The following SLC14A2 variants were observed in gnomAD, a reference collection of about 807,000 sequenced individuals.
SLC14A2 encodes the protein solute carrier family 14 member 2, also known as urea transporter 2.
In SLC14A2, 91 loss-of-function variants were observed where a neutral mutation model predicts 104.6. That is an observed-to-expected ratio of 0.87 (90% confidence interval 0.73 to 1.04). The LOEUF (loss-of-function observed/expected upper bound fraction) is 1.04, where lower values mean the gene tolerates loss of function less well. SLC14A2 is among the 50% of genes least tolerant of loss of function. The pLI is 0.00. For synonymous variants in SLC14A2, 476 were observed against 466.4 expected (o/e 1.02, Z -0.27); for missense variants, 1,189 against 1,156.0 (o/e 1.03, Z -0.41).
intron 2 of SLC14A2, chr18:45,528,886 A>G (rs1426001730): frequency 1.3e-5 from 2 of 152,358 alleles, no homozygotes; most frequent in African/African-American, 4.8e-5. Context: ...TAAACTATGT[A>G]TGGTAAACAT....
At chr18:45,277,905 A>T (rs1160427725) in intron 1 of SLC14A2, among the ~76,000 whole-genome samples, 3 of 152,176 alleles carry the variant, frequency 2.0e-5, no homozygotes, top group Admixed American at 6.5e-5. Flanking sequence ...CATTTATATG[A>T]ACAGTCTCAC....
chr18:45,394,360 T>C (rs1190905779), intron 1 of SLC14A2, among the ~76,000 whole-genome samples: 1 of 152,172 alleles, frequency 6.6e-6, no homozygotes, highest in Non-Finnish European at 1.5e-5. Context: ...CTTAAAATCG[T>C]ATGTAAATTG....
intron 1 of SLC14A2, among the ~76,000 whole-genome samples, chr18:45,403,841 T>C (rs1382131459): frequency 6.6e-6 from 1 of 152,136 alleles, no homozygotes. Context: ...CTGCTTAAGA[T>C]GCCTCAGTGA....
intron 2 of SLC14A2, among the ~76,000 whole-genome samples, chr18:45,543,398 G>C (rs886341803): frequency 1.6e-4 from 25 of 152,022 alleles, no homozygotes; most frequent in East Asian, 1.9e-4. Flanking sequence ...ATAGAAGCCA[G>C]CTAACTCAGT....
Position 45,672,973 on chromosome 18 carries a change from T to G in SLC14A2, c.2303T>G (p.Leu768Arg), listed in dbSNP as rs1235935879. The G allele has an allele frequency of 6.2e-7, 1 of 1,614,204 alleles. No homozygotes were observed. Among genetic ancestry groups the G allele is most frequent in the Admixed American group, 1.7e-5 (1 of 60,022 alleles). Residue 768 changes from leucine (L) to arginine (R), a missense_variant, in exon 17 of 20, where the codon CTC (leucine) becomes CGC (arginine). Transcript: ENST00000255226. The part of the protein sequence containing the change: ...CDNPWTGGIF[L>R]IALFISSPLI... Reference sequence around the variant, plus strand: ...AACCCCTGGACTGGAGGCATCTTCCTCATAGCTCTGTTCATATCCTCACCT... The same window carrying G: ...AACCCCTGGACTGGAGGCATCTTCCGCATAGCTCTGTTCATATCCTCACCT...
intron 1 of SLC14A2, among the ~76,000 whole-genome samples, chr18:45,412,312 G>C (rs529266425): frequency 6.6e-6 from 1 of 152,134 alleles, no homozygotes; most frequent in Non-Finnish European, 1.5e-5. Flanking sequence ...AGGTATTTTT[G>C]TTCACCGTGC....
At chr18:45,438,067 G>A (rs1396462047) in intron 1 of SLC14A2, 1 of 152,154 alleles carries the variant, frequency 6.6e-6, no homozygotes, top group East Asian at 1.9e-4. Flanking sequence ...AACTGTAGAA[G>A]GGAACATCAG....
At chr18:45,445,129 T>TA in intron 1 of SLC14A2, among the ~76,000 whole-genome samples, 1 of 136,160 alleles carries the variant, frequency 7.3e-6, no homozygotes, top group East Asian at 2.1e-4. Flanking sequence ...TTTTTTTTTT[T>TA]AAGACGGAGT....
intron 1 of SLC14A2, among the ~76,000 whole-genome samples, chr18:45,262,359 CT>C (rs1179264061): frequency 6.6e-6 from 1 of 152,146 alleles, no homozygotes; most frequent in Non-Finnish European, 1.5e-5. Context: ...CCCTCCACCA[CT>C]GTACATGCTG....
chr18:45,527,394 AT>A (rs2043609293), intron 2 of SLC14A2, among the ~76,000 whole-genome samples: 1 of 152,172 alleles, frequency 6.6e-6, no homozygotes, highest in Non-Finnish European at 1.5e-5. Flanking sequence ...TAGATGTCTC[AT>A]TTATTATAGA....
chr18:45,240,880 G>A (rs1054471182), intron 1 of SLC14A2, among the ~76,000 whole-genome samples: 3 of 151,872 alleles, frequency 2.0e-5, no homozygotes, highest in African/African-American at 2.4e-5. Context: ...GGCTGGTCTC[G>A]AACACCTGAC....
At chr18:45,268,748 A>G (rs553560002) in intron 1 of SLC14A2, among the ~76,000 whole-genome samples, 97 of 151,560 alleles carry the variant, frequency 6.4e-4, no homozygotes, top group Non-Finnish European at 1.1e-3. Flanking sequence ...GAGAGCTGGT[A>G]TACACCATGG....
At chr18:45,666,706 AACGAAAGT>A (rs2144630801) in intron 12 of SLC14A2, among the ~76,000 whole-genome samples, 1 of 152,330 alleles carries the variant, frequency 6.6e-6, no homozygotes, top group South Asian at 2.1e-4. Context: ...TCCTCCACAG[AACGAAAGT>A]AAAGATGTTA....
intron 1 of SLC14A2, among the ~76,000 whole-genome samples, chr18:45,334,755 G>A (rs57117825): frequency 0.018 from 2,667 of 152,244 alleles, 78 homozygotes; most frequent in African/African-American, 0.061. Context: ...GAGATGCTGG[G>A]AGCAAGCCTG....
chr18:45,395,824 A>G (rs914623016), intron 1 of SLC14A2, among the ~76,000 whole-genome samples: 1 of 152,088 alleles, frequency 6.6e-6, no homozygotes, highest in Non-Finnish European at 1.5e-5. Flanking sequence ...GTCATGAGGG[A>G]TGTGCCTTTC....
At chr18:45,533,497 T>C (rs537003623) in intron 2 of SLC14A2, among the ~76,000 whole-genome samples, 6 of 152,368 alleles carry the variant, frequency 3.9e-5, no homozygotes, top group African/African-American at 1.4e-4. Context: ...GAGGTGTTTA[T>C]AGTATTCTCT....
chr18:45,320,223 AATT>A lies in SLC14A2; in HGVS notation c.-125+107040_-125+107042del, dbSNP rs372315877. 2.2e-4 allele frequency among the ~76,000 whole-genome samples: 33 copies of A among 152,306 alleles called. No homozygotes were observed. The South Asian group carries it at 6.6e-3, about 31-fold the overall frequency. On this transcript the variant is annotated intron_variant, in intron 1 of 20. Transcript: ENST00000586448. ...ACCTGTAAGCTAACTAGGATAGTGGAATTATTATTAATAAGGAGTCTAGACTGG... is the reference window on the plus strand; with the variant it reads ...ACCTGTAAGCTAACTAGGATAGTGGAATTATTAATAAGGAGTCTAGACTGG...
the SLC14A2 span, among the ~76,000 whole-genome samples, chr18:45,193,415 G>T: frequency 6.6e-6 from 1 of 152,140 alleles, no homozygotes; most frequent in African/African-American, 2.4e-5. Flanking sequence ...AAATAATCAA[G>T]TTCACTTTTG....
chr18:45,354,173 T>C (rs994945952), intron 1 of SLC14A2, among the ~76,000 whole-genome samples: 3 of 152,226 alleles, frequency 2.0e-5, no homozygotes, highest in African/African-American at 4.8e-5. Flanking sequence ...ACCTACACTA[T>C]AACCAGTAGA....
Sources: gnomAD v4.1 joint callset for allele counts (sites outside exome capture counted in the v4.1 genomes callset) on GRCh38, gnomAD v4.1.1 for gene constraint, MANE v1.5 for transcripts, NCBI Gene and HGNC (gene_info 2026-07-23, HGNC 2026-07-21) for gene names.